DENND1A: variants seen among roughly 807,000 people sequenced by gnomAD.
DENND1A encodes DENN domain-containing protein 1A.
Under a neutral mutation model 113.7 loss-of-function variants are expected in DENND1A, and 51 were observed. That is an observed-to-expected ratio of 0.45 (90% CI 0.36 to 0.57). The LOEUF is 0.57. Among genes scored for constraint, DENND1A ranks in the 20% least tolerant of loss-of-function variants. The pLI, the probability that DENND1A is intolerant of heterozygous loss-of-function variation, is 0.00. For missense variants in DENND1A, 1,258 were observed against 1,395.9 expected (o/e 0.90, Z 1.57); for synonymous variants, 565 against 570.8 (o/e 0.99, Z 0.14).
chr9:123,718,620 T>C (rs1204545881), intron 5 of DENND1A, among the ~76,000 whole-genome samples: 1 of 152,208 alleles, frequency 6.6e-6, no homozygotes, highest in East Asian at 1.9e-4. Flanking sequence ...ATTTTGTTAC[T>C]CATATGAGAT....
chr9:123,826,803 C>T (rs911843215), intron 2 of DENND1A, among the ~76,000 whole-genome samples: 1 of 152,208 alleles, frequency 6.6e-6, no homozygotes, highest in Non-Finnish European at 1.5e-5. Context: ...CAACTAGATT[C>T]TCTTAGTGGG....
chr9:123,395,508 G>C (rs1460814189), intron 21 of DENND1A, among the ~76,000 whole-genome samples: 6 of 150,190 alleles, frequency 4.0e-5, no homozygotes, highest in South Asian at 2.1e-4. Flanking sequence ...GAGAGAGAGA[G>C]AGAGAGTGAG....
At chr9:123,734,594 G>GGA in intron 5 of DENND1A, among the ~76,000 whole-genome samples, 1 of 152,152 alleles carries the variant, frequency 6.6e-6, no homozygotes. Flanking sequence ...ATGGACTTCA[G>GGA]AGTCAAACAG....
chr9:123,594,007 T>C (rs917657432), intron 11 of DENND1A, among the ~76,000 whole-genome samples: 1 of 152,212 alleles, frequency 6.6e-6, no homozygotes, highest in Non-Finnish European at 1.5e-5. Context: ...CCCCATCGCC[T>C]TCTACCATGA....
At chr9:123,407,034 G>A (rs998545318) in intron 20 of DENND1A, among the ~76,000 whole-genome samples, 1 of 151,834 alleles carries the variant, frequency 6.6e-6, no homozygotes, top group East Asian at 1.9e-4. Flanking sequence ...CTAATTAGAC[G>A]AGCTGAGCTG....
chr9:123,795,539 T>G (rs759326839), intron 2 of DENND1A, among the ~76,000 whole-genome samples: 4 of 152,238 alleles, frequency 2.6e-5, no homozygotes, highest in Non-Finnish European at 4.4e-5. Flanking sequence ...ATTTTCTGTC[T>G]GGCAGCAATC....
chr9:123,518,389 G>A (rs1186708518), intron 13 of DENND1A, among the ~76,000 whole-genome samples: 1 of 152,026 alleles, frequency 6.6e-6, no homozygotes, highest in Non-Finnish European at 1.5e-5. Context: ...TATTCCCACG[G>A]AGACAGCAGT....
At chr9:123,421,394 G>A (rs771066022) in intron 19 of DENND1A, among the ~76,000 whole-genome samples, 38 of 151,974 alleles carry the variant, frequency 2.5e-4, no homozygotes, top group Admixed American at 7.2e-4. Context: ...AGAAGCCCAC[G>A]CTGCTCCCAG....
At chr9:123,916,689 T>C (rs2134097877) in intron 1 of DENND1A, among the ~76,000 whole-genome samples, 1 of 152,170 alleles carries the variant, frequency 6.6e-6, no homozygotes, top group African/African-American at 2.4e-5. Context: ...TTTGTTTTAA[T>C]GGAAGGACAA....
chr9:123,504,583 G>A (rs932757371), intron 13 of DENND1A, among the ~76,000 whole-genome samples: 2 of 152,194 alleles, frequency 1.3e-5, no homozygotes, highest in African/African-American at 4.8e-5. Context: ...AATTCTTAGT[G>A]GATTTCAGAA....
chr9:123,864,222 T>C (rs907504953), intron 2 of DENND1A, among the ~76,000 whole-genome samples: 1 of 152,228 alleles, frequency 6.6e-6, no homozygotes, highest in African/African-American at 2.4e-5. Flanking sequence ...ATCCAAGTTT[T>C]ATTTGCAAAT....
At chr9:123,882,797 T>C (rs1848508287) in intron 1 of DENND1A, among the ~76,000 whole-genome samples, 1 of 152,222 alleles carries the variant, frequency 6.6e-6, no homozygotes, top group Admixed American at 6.5e-5. Context: ...TGACAATTGT[T>C]GCCCCACAAT....
At chr9:123,609,339 T>C in intron 11 of DENND1A, 97 bp downstream of exon 11, 2 of 1,373,032 alleles carry the variant, frequency 1.5e-6, no homozygotes, top group Non-Finnish European at 2.0e-6. Flanking sequence ...TGCTCCCACG[T>C]GCAGAGCTGT....
rs187161729 is a variant in DENND1A, at chr9:123,566,584, C to T, written c.868-8889G>A. Among the ~76,000 whole-genome samples, 203 of 152,286 alleles carry T rather than the reference C, an allele frequency of 1.3e-3. 3 individuals are homozygous for T. The Middle Eastern group carries it at 0.014, about 10-fold the overall frequency. On this transcript the variant is annotated intron_variant, in intron 12 of 23. Coordinates refer to ENST00000394215, the MANE Select transcript of DENND1A (RefSeq NM_001352964.2). Reference sequence around the variant, plus strand: ...TTCGTTATGTGCTATAGTGGCTCTGCTGAGCATCCCAGGAATAAGCTATCA... The same window carrying T: ...TTCGTTATGTGCTATAGTGGCTCTGTTGAGCATCCCAGGAATAAGCTATCA...
chr9:123,812,772 C>T (rs1161744372), intron 2 of DENND1A, among the ~76,000 whole-genome samples: 1 of 151,868 alleles, frequency 6.6e-6, no homozygotes, highest in Non-Finnish European at 1.5e-5. Context: ...ATATTTTTTG[C>T]CTATCTAAAA....
intron 2 of DENND1A, among the ~76,000 whole-genome samples, chr9:123,796,676 C>T (rs1833811943): frequency 1.3e-5 from 2 of 151,644 alleles, no homozygotes; most frequent in Non-Finnish European, 2.9e-5. Context: ...TCTTTTACAA[C>T]AGAAATGCAA....
At chr9:123,499,711 C>G (rs1030655788) in intron 13 of DENND1A, among the ~76,000 whole-genome samples, 2 of 152,250 alleles carry the variant, frequency 1.3e-5, no homozygotes, top group Admixed American at 1.3e-4. Context: ...ATGGTTATGA[C>G]AGTGGTGTTG....
At chr9:123,607,547 A>AGAGTGT (rs1491241970) in intron 11 of DENND1A, among the ~76,000 whole-genome samples, 13 of 68,096 alleles carry the variant, frequency 1.9e-4, no homozygotes, top group East Asian at 1.5e-3. Flanking sequence ...AGAGAGAGAG[A>AGAGTGT]GTGTGTGTGT....
At chr9:123,906,270 T>G (rs1430042790) in intron 1 of DENND1A, among the ~76,000 whole-genome samples, 1 of 137,532 alleles carries the variant, frequency 7.3e-6, no homozygotes, top group Non-Finnish European at 1.5e-5. Flanking sequence ...GATCCAAAAT[T>G]GACACCCTAA....
Sources: gnomAD v4.1 joint callset for allele counts (sites outside exome capture counted in the v4.1 genomes callset) on GRCh38, gnomAD v4.1.1 for gene constraint, MANE v1.5 for transcripts, NCBI Gene and HGNC (gene_info 2026-07-23, HGNC 2026-07-21) for gene names.